Variants in MRE11 observed in about 807,000 individuals in gnomAD.
MRE11 encodes the protein double-strand break repair protein MRE11.
Under a neutral mutation model 91.7 loss-of-function variants are expected in MRE11, and 62 were observed. That is an observed-to-expected ratio of 0.68 (90% CI 0.55 to 0.84). MRE11 has a LOEUF of 0.84. MRE11 is among the 40% of genes least tolerant of loss of function. MRE11 has a pLI of 0.00. For missense variants in MRE11, 796 were observed against 852.9 expected, an observed-to-expected ratio of 0.93 and a Z score of 0.83; for synonymous variants, 273 against 271.4, an observed-to-expected ratio of 1.01 and a Z score of -0.06.
Position 94,474,608 on chromosome 11 carries a change from G to A in MRE11, c.659+1681C>T, listed in dbSNP as rs1946804650. Among the ~76,000 whole-genome samples, 9 of 152,142 alleles carry A rather than the reference G, an allele frequency of 5.9e-5. No homozygotes were observed. The South Asian group carries it at 1.9e-3, about 31-fold the overall frequency. ...TGGATGCTAAAATTAGCGAGTAAAA[G>A]TTTAAGGTGAAACAGGATATTTGCA... On this transcript the variant is annotated intron_variant, in intron 7 of 19. Transcript: ENST00000323929.
chr11:94,439,890 T>C (rs1945727991), intron 16 of MRE11, among the ~76,000 whole-genome samples: 1 of 152,072 alleles, frequency 6.6e-6, no homozygotes, highest in Non-Finnish European at 1.5e-5. Flanking sequence ...TCTTCACCCT[T>C]ACGCTACACA....
At position 94,433,923 on chromosome 11, in the gene MRE11, A is replaced by G. The variant is rs553925212; in HGVS notation, c.1994+1909T>C. Among the ~76,000 whole-genome samples, 9 of 152,230 alleles carry G rather than the reference A, an allele frequency of 5.9e-5. No individual in the cohort carries two copies. In the South Asian group the frequency reaches 1.0e-3, roughly 18 times the overall value. ...GCTTCCTCAGAGGCTTTCCATGACC[A>G]TCCTTCAAAGTAGATGCCCGTCCTG... On this transcript the variant is annotated intron_variant, in intron 18 of 19. Coordinates refer to ENST00000323929, the MANE Select transcript of MRE11 (RefSeq NM_005591.4).
At position 94,462,939 on chromosome 11, in the gene MRE11, G is replaced by A. The variant is rs188757184; in HGVS notation, c.1225+1174C>T. Reference sequence around the variant, plus strand: ...GCCAAAATTGACAAATGGGATCTAAGTAAACTAAAGAGCTTCTGCAAAGCA... The same window carrying A: ...GCCAAAATTGACAAATGGGATCTAAATAAACTAAAGAGCTTCTGCAAAGCA... On this transcript the variant is annotated intron_variant, in intron 11 of 19. Transcript: ENST00000323929. Among the ~76,000 whole-genome samples the A allele has an allele frequency of 5.8e-3, 879 of 152,190 alleles. 5 individuals carry two copies. Among genetic ancestry groups the A allele is most frequent in the African/African-American group, 0.019 (797 of 41,548 alleles).
chr11:94,435,297 G>C (rs1009164734), intron 18 of MRE11, among the ~76,000 whole-genome samples: 5 of 152,190 alleles, frequency 3.3e-5, no homozygotes, highest in Admixed American at 6.5e-5. Flanking sequence ...GCTCACATCT[G>C]TAATCCAGGC....
rs1337311091 is a variant in MRE11 at position 94,417,084 on chromosome 11, C to A, written c.*3041G>T. 6.5e-6 allele frequency: 1 copy of A among 154,708 alleles called. No homozygotes were observed. The highest frequency in any genetic ancestry group is 2.4e-5 in the African/African-American group (1 of 41,430). The allele number at this position is 154,708 out of a possible 1,614,324, so 9.6% of individuals were successfully genotyped here. A position where few individuals can be genotyped will look rare whatever the true frequency, so the allele number is the denominator to read the frequency against. ...CTCTGCCTCCTGGGTTCAAGCGATT[C>A]TCCTGCCTCAGCCTCCTGAGTAGCT... On this transcript the variant is annotated 3_prime_UTR_variant, in exon 20 of 20. Coordinates refer to ENST00000323929, the MANE Select transcript of MRE11 (RefSeq NM_005591.4).
chr11:94,459,781 A>G (rs1168312790), intron 12 of MRE11, among the ~76,000 whole-genome samples, 200 bp from the exon 13 acceptor site: 6 of 152,226 alleles, frequency 3.9e-5, no homozygotes, highest in Non-Finnish European at 8.8e-5. Context: ...CGTGAAATGT[A>G]GAGGCCTGAT....
upstream of MRE11, among the ~76,000 whole-genome samples, chr11:94,495,159 C>A (rs1381084725): frequency 1.3e-5 from 2 of 152,046 alleles, no homozygotes; most frequent in African/African-American, 4.8e-5. Flanking sequence ...AGTGCTATTG[C>A]CACTAGTAAT....
At chr11:94,429,294 A>C (rs565402435) in intron 19 of MRE11, among the ~76,000 whole-genome samples, 1 of 152,318 alleles carries the variant, frequency 6.6e-6, no homozygotes, top group South Asian at 2.1e-4. Context: ...AAGAACTTAA[A>C]ACAGAGCTAC....
At chr11:94,430,083 A>G in intron 18 of MRE11, 97 bp from the exon 19 acceptor site, 2 of 1,115,442 alleles carry the variant, frequency 1.8e-6, no homozygotes, top group Non-Finnish European at 2.7e-6. Context: ...GCTGCCACGA[A>G]TATAAATAAC....
chr11:94,452,398 A>G (rs533967777), intron 14 of MRE11, among the ~76,000 whole-genome samples: 164 of 152,298 alleles, frequency 1.1e-3, no homozygotes, highest in African/African-American at 3.7e-3. Context: ...TAAAGATCAA[A>G]AGATACAGTA....
chr11:94,502,613 T>C, the MRE11 span, among the ~76,000 whole-genome samples: 1 of 152,236 alleles, frequency 6.6e-6, no homozygotes, highest in Non-Finnish European at 1.5e-5. Context: ...TTGCCATTTA[T>C]CCACATATGA....
At chr11:94,508,942 A>T in the MRE11 span, among the ~76,000 whole-genome samples, 4 of 152,022 alleles carry the variant, frequency 2.6e-5, no homozygotes, top group African/African-American at 9.7e-5. Flanking sequence ...TTGTATTTTT[A>T]GTAGAGACGG....
At chr11:94,505,245 G>T in the MRE11 span, among the ~76,000 whole-genome samples, 6 of 152,086 alleles carry the variant, frequency 3.9e-5, no homozygotes, top group Admixed American at 2.6e-4. Flanking sequence ...ACAGTTTCAG[G>T]CAGGTCCTTC....
intron 15 of MRE11, 135 bp downstream of exon 15, chr11:94,447,084 A>G (rs1297091815): frequency 9.6e-6 from 9 of 938,534 alleles, no homozygotes; most frequent in South Asian, 7.2e-5. Flanking sequence ...CTGTCTTTAT[A>G]TATTATAAAA....
chr11:94,452,934 G>C (rs372125155), intron 14 of MRE11, among the ~76,000 whole-genome samples: 1 of 151,924 alleles, frequency 6.6e-6, no homozygotes, highest in Non-Finnish European at 1.5e-5. Context: ...TCCATCTATA[G>C]AACTTTCTCA....
At chr11:94,467,320 G>A (rs528902239) in intron 10 of MRE11, among the ~76,000 whole-genome samples, 8 of 152,190 alleles carry the variant, frequency 5.3e-5, no homozygotes, top group South Asian at 2.1e-4. Context: ...CAAATAAACC[G>A]TACATAGATT....
At chr11:94,505,680 A>C in the MRE11 span, among the ~76,000 whole-genome samples, 1 of 151,410 alleles carries the variant, frequency 6.6e-6, no homozygotes, top group East Asian at 2.0e-4. Context: ...GCCTAAGTGA[A>C]CAGTGTTGAT....
intron 9 of MRE11, 32 bp downstream of exon 9, chr11:94,470,438 GT>G (rs1292707905): frequency 6.9e-6 from 11 of 1,597,754 alleles, no homozygotes; most frequent in African/African-American, 1.3e-5. Context: ...TTCAACTAAA[GT>G]AGATCTCATT....
At chr11:94,448,069 G>T (rs1945990549) in intron 14 of MRE11, among the ~76,000 whole-genome samples, 1 of 152,026 alleles carries the variant, frequency 6.6e-6, no homozygotes, top group Non-Finnish European at 1.5e-5. Flanking sequence ...GTAACAGACT[G>T]TCATCATTTG....
Sources: allele counts gnomAD v4.1 joint callset (sites outside exome capture counted in the v4.1 genomes callset), GRCh38; gene constraint gnomAD v4.1.1; transcripts MANE v1.5; gene names NCBI Gene and HGNC (gene_info 2026-07-23, HGNC 2026-07-21).